NAALADL2: variants seen among roughly 807,000 people sequenced by gnomAD.
NAALADL2 encodes the protein N-acetylated alpha-linked acidic dipeptidase like 2.
In NAALADL2, 76 loss-of-function variants were observed where a neutral mutation model predicts 87.2. The ratio of observed to expected loss-of-function variants is 0.87; its 90% CI spans 0.72 to 1.05. NAALADL2 has a LOEUF of 1.05. Ranked by LOEUF, NAALADL2 falls within the 50% of genes least tolerant of loss-of-function variation. The probability of loss-of-function intolerance (pLI) is 0.00; values close to 1 mark genes in which losing one functional copy is unlikely to be tolerated. For missense variants in NAALADL2, 1,089 were observed against 945.8 expected, an observed-to-expected ratio of 1.15 and a Z score of -1.99; for synonymous variants, 354 against 331.0, an observed-to-expected ratio of 1.07 and a Z score of -0.75.
intron 3 of NAALADL2, among the ~76,000 whole-genome samples, chr3:174,756,134 T>C (rs945668662): frequency 9.9e-5 from 15 of 152,220 alleles, no homozygotes; most frequent in Admixed American, 6.5e-4. Flanking sequence ...ACAATGATTG[T>C]AAAGCACTGC....
intron 1 of NAALADL2, among the ~76,000 whole-genome samples, chr3:174,543,024 A>G (rs966760716): frequency 6.6e-6 from 1 of 152,200 alleles, no homozygotes; most frequent in African/African-American, 2.4e-5. Context: ...GGGATTACCC[A>G]TCAGCATGAA....
intron 3 of NAALADL2, among the ~76,000 whole-genome samples, chr3:175,249,645 A>C (rs1459731589): frequency 1.3e-5 from 2 of 152,130 alleles, no homozygotes; most frequent in African/African-American, 4.8e-5. Flanking sequence ...ATTAACTTCC[A>C]AGTAGTTTTG....
intron 1 of NAALADL2, among the ~76,000 whole-genome samples, chr3:175,044,870 G>C (rs114394134): frequency 6.6e-6 from 1 of 150,542 alleles, no homozygotes; most frequent in Non-Finnish European, 1.5e-5. Flanking sequence ...ATATTTTTCT[G>C]TTGGTGGAGT....
intron 1 of NAALADL2, among the ~76,000 whole-genome samples, chr3:174,446,616 A>G (rs1715072040): frequency 1.3e-5 from 2 of 152,066 alleles, no homozygotes; most frequent in Admixed American, 6.5e-5. Flanking sequence ...TTTCAGTTTA[A>G]TATGGTACTC....
At position 175,276,347 on chromosome 3, in the gene NAALADL2, T is replaced by C. The variant is rs1384859237; in HGVS notation, c.939+19817T>C. The stretch of plus-strand genomic sequence containing the variant: ...ACGAAGCCTCGCTCTGCTGCTAGAC[T>C]GGAGTGCAGCAGCGTGATCTCAGCT... On this transcript the variant is annotated intron_variant, in intron 4 of 13. Transcript: ENST00000454872. Among the ~76,000 whole-genome samples the C allele has an allele frequency of 2.7e-5, 4 of 148,692 alleles. No individual in the cohort carries two copies. In the Admixed American group the frequency reaches 2.8e-4, roughly 10 times the overall value.
intron 2 of NAALADL2, among the ~76,000 whole-genome samples, chr3:174,646,791 A>G (rs1723830267): frequency 6.6e-6 from 1 of 152,296 alleles, no homozygotes; most frequent in South Asian, 2.1e-4. Flanking sequence ...AAATATTTAT[A>G]TATTCTGTCT....
At chr3:175,193,380 A>G (rs1295644047) in intron 2 of NAALADL2, among the ~76,000 whole-genome samples, 1 of 151,860 alleles carries the variant, frequency 6.6e-6, no homozygotes, top group African/African-American at 2.4e-5. Context: ...ATTCCTCTAC[A>G]CGGGCCCTTA....
intron 3 of NAALADL2, among the ~76,000 whole-genome samples, chr3:174,768,649 A>T (rs1480148531): frequency 6.6e-6 from 1 of 152,190 alleles, no homozygotes; most frequent in Non-Finnish European, 1.5e-5. Context: ...TTTGTCTATG[A>T]CATGAGCAGA....
At chr3:175,447,802 C>T (rs1720934911) in intron 6 of NAALADL2, among the ~76,000 whole-genome samples, 1 of 152,160 alleles carries the variant, frequency 6.6e-6, no homozygotes, top group African/African-American at 2.4e-5. Flanking sequence ...AAAAATCCCT[C>T]TGTCTATGCG....
chr3:174,878,774 T>A (rs1441009216), intron 1 of NAALADL2, among the ~76,000 whole-genome samples: 2 of 152,190 alleles, frequency 1.3e-5, no homozygotes, highest in Middle Eastern at 3.4e-3. Flanking sequence ...ATTTGACATC[T>A]GACTTTTTTT....
intron 11 of NAALADL2, among the ~76,000 whole-genome samples, chr3:175,686,021 T>C (rs2149897988): frequency 6.6e-6 from 1 of 152,346 alleles, no homozygotes; most frequent in Non-Finnish European, 1.5e-5. Context: ...ATAATTGTCC[T>C]AACCTCAATT....
intron 1 of NAALADL2, among the ~76,000 whole-genome samples, chr3:174,898,363 A>G (rs1398781796): frequency 1.3e-5 from 2 of 151,372 alleles, no homozygotes; most frequent in African/African-American, 2.4e-5. Flanking sequence ...GGGTAGATAG[A>G]TAATGCGATA....
chr3:175,760,059 G>A (rs1212608572), intron 13 of NAALADL2, among the ~76,000 whole-genome samples: 1 of 152,130 alleles, frequency 6.6e-6, no homozygotes, highest in Non-Finnish European at 1.5e-5. Flanking sequence ...AAAAGAACAT[G>A]ATTTGATATG....
intron 4 of NAALADL2, among the ~76,000 whole-genome samples, chr3:175,321,921 T>C (rs1560355295): frequency 6.8e-6 from 1 of 147,096 alleles, no homozygotes; most frequent in Non-Finnish European, 1.5e-5. Flanking sequence ...CCCAAGGTAA[T>C]TTACAGATTC....
At chr3:174,739,494 A>G (rs1733551102) in intron 3 of NAALADL2, among the ~76,000 whole-genome samples, 1 of 151,890 alleles carries the variant, frequency 6.6e-6, no homozygotes, top group South Asian at 2.1e-4. Context: ...TCTTACCTTT[A>G]TTACTTATAG....
intron 5 of NAALADL2, among the ~76,000 whole-genome samples, chr3:175,435,863 T>TA (rs1004675077): frequency 7.3e-5 from 11 of 150,798 alleles, no homozygotes; most frequent in Non-Finnish European, 1.0e-4. Context: ...TTTTTTTTTT[T>TA]TTATACTTTA....
At chr3:175,736,641 A>G (rs1744541408) in intron 11 of NAALADL2, among the ~76,000 whole-genome samples, 2 of 152,258 alleles carry the variant, frequency 1.3e-5, no homozygotes, top group Admixed American at 6.5e-5. Context: ...TACATGCAAG[A>G]CAATTGGCAA....
intron 9 of NAALADL2, among the ~76,000 whole-genome samples, chr3:175,495,078 A>G (rs1728619442): frequency 1.4e-5 from 2 of 142,436 alleles, no homozygotes; most frequent in Non-Finnish European, 3.0e-5. Flanking sequence ...AATCCCATAT[A>G]TATATATATA....
rs941783706 is a variant in NAALADL2, at chr3:175,446,505, G to A, written c.1091-724G>A. On this transcript the variant is annotated intron_variant, in intron 5 of 13. Coordinates refer to ENST00000454872, the MANE Select transcript of NAALADL2 (RefSeq NM_207015.3). ...GATCCTCCCGCCTTGGCCTCCCAAA[G>A]TACTGGGATTACAGCCATGAACCAC... Among the ~76,000 whole-genome samples, 7 of 152,120 alleles carry A rather than the reference G, an allele frequency of 4.6e-5. No homozygotes were observed. In the East Asian group the frequency reaches 1.2e-3, roughly 25 times the overall value.
Sources: allele counts gnomAD v4.1 joint callset (sites outside exome capture counted in the v4.1 genomes callset), GRCh38; gene constraint gnomAD v4.1.1; transcripts MANE v1.5; gene names NCBI Gene and HGNC (gene_info 2026-07-23, HGNC 2026-07-21).